Variants in ST3GAL1 observed in about 807,000 individuals in gnomAD.
ST3GAL1 encodes CMP-N-acetylneuraminate-beta-galactosamide-alpha-2,3-sialyltransferase 1.
A neutral mutation model predicts 34.1 loss-of-function variants in ST3GAL1; 16 were observed. The observed-to-expected ratio is 0.47, with a 90% confidence interval of 0.32 to 0.71. ST3GAL1 has a LOEUF of 0.71. ST3GAL1 is among the 30% of genes least tolerant of loss of function. The pLI is 0.04. For missense variants in ST3GAL1, 353 were observed against 447.4 expected (o/e 0.79, Z 1.90); for synonymous variants, 191 against 184.7 (o/e 1.03, Z -0.28).
chr8:133,562,841 C>CCTTCCTTCCTTCCTTTTTCTTT (rs1491286901), intron 1 of ST3GAL1, among the ~76,000 whole-genome samples: 2 of 82,502 alleles, frequency 2.4e-5, no homozygotes, highest in African/African-American at 8.9e-5. Flanking sequence ...TTCCTTCCTT[C>CCTTCCTTCCTTCCTTTTTCTTT]CTTTCTTTCT....
At chr8:133,552,903 G>A (rs1248885765) in intron 1 of ST3GAL1, among the ~76,000 whole-genome samples, 1 of 152,182 alleles carries the variant, frequency 6.6e-6, no homozygotes, top group Non-Finnish European at 1.5e-5. Context: ...CAGCTTCACA[G>A]CAGTCCTCTG....
intron 5 of ST3GAL1, among the ~76,000 whole-genome samples, chr8:133,471,549 A>G (rs1224751793): frequency 6.6e-6 from 1 of 152,212 alleles, no homozygotes; most frequent in Admixed American, 6.5e-5. Context: ...AGGTGAGGAA[A>G]CTGAGGCTTA....
Position 133,556,958 on chromosome 8 carries a change from T to C in ST3GAL1, c.-581-11032A>G, listed in dbSNP as rs900147755. On this transcript the variant is annotated intron_variant, in intron 1 of 9. Transcript: ENST00000522652. The surrounding 1 kb of genome is among the most constrained non-coding windows in gnomAD (Gnocchi z 8.9). ...TCGAGCCTTTTATGATGTGCATGCATGTGTTAGAAGGAAACATTGTGACAT... is the reference window on the plus strand; with the variant it reads ...TCGAGCCTTTTATGATGTGCATGCACGTGTTAGAAGGAAACATTGTGACAT... Among the ~76,000 whole-genome samples the C allele has an allele frequency of 1.3e-5, 2 of 152,102 alleles. No homozygotes were observed. The highest frequency in any genetic ancestry group is 4.8e-5 in the African/African-American group (2 of 41,408).
At chr8:133,541,104 T>TAAAC (rs1586654974) in intron 2 of ST3GAL1, among the ~76,000 whole-genome samples, 1 of 50,434 alleles carries the variant, frequency 2.0e-5, no homozygotes, top group Non-Finnish European at 3.4e-5. Flanking sequence ...AACATATATA[T>TAAAC]ATATATATAT....
At position 133,467,060 on chromosome 8, in the gene ST3GAL1, A is replaced by G. The variant is rs1247457885; in HGVS notation, c.307-970T>C. 6.6e-6 allele frequency among the ~76,000 whole-genome samples: 1 copy of G among 151,088 alleles called. No individual in the cohort carries two copies. The highest frequency in any genetic ancestry group is 2.4e-5 in the African/African-American group (1 of 41,058). ...CAGTGAGCCAAGACAGTGCCACTGC[A>G]CTTCAGCCTGGGTGACAGAGCGAGA... On this transcript the variant is annotated intron_variant, in intron 5 of 9. Coordinates refer to ENST00000522652, the MANE Select transcript of ST3GAL1 (RefSeq NM_173344.3). This position sits in a 1 kb window ranked among gnomAD's most constrained non-coding sequence, Gnocchi z 4.2.
chr8:133,569,452 G>A (rs1028593478), intron 1 of ST3GAL1, among the ~76,000 whole-genome samples: 1 of 152,164 alleles, frequency 6.6e-6, no homozygotes, highest in African/African-American at 2.4e-5. Context: ...TATGCAGAAC[G>A]TATTTTGGAG....
At chr8:133,470,798 C>T (rs1174716849) in intron 5 of ST3GAL1, among the ~76,000 whole-genome samples, 1 of 152,140 alleles carries the variant, frequency 6.6e-6, no homozygotes, top group Non-Finnish European at 1.5e-5. Context: ...CCCACTCATG[C>T]CCAGGGGCAC....
Position 133,467,424 on chromosome 8 carries a change from C to T in ST3GAL1, c.307-1334G>A, listed in dbSNP as rs1217189314. On this transcript the variant is annotated intron_variant, in intron 5 of 9. Transcript: ENST00000522652. This position sits in a 1 kb window ranked among gnomAD's most constrained non-coding sequence, Gnocchi z 4.2. ...TAAAAGTGTTGCATCTGACCTTGTC[C>T]CCATGCCACAGTGCTGTGTCATTTC... Among the ~76,000 whole-genome samples, 1 of 152,164 alleles carries T rather than the reference C, an allele frequency of 6.6e-6. No individual in the cohort carries two copies. Among genetic ancestry groups the T allele is most frequent in the East Asian group, 1.9e-4 (1 of 5,182 alleles).
intron 1 of ST3GAL1, among the ~76,000 whole-genome samples, chr8:133,550,499 C>G (rs1473157664): frequency 2.0e-5 from 3 of 152,186 alleles, no homozygotes; most frequent in Admixed American, 6.5e-5. Context: ...TGCAGCTGGA[C>G]AGTGGGCAGA....
chr8:133,481,298 G>A (rs993577452), intron 3 of ST3GAL1, among the ~76,000 whole-genome samples: 11 of 152,104 alleles, frequency 7.2e-5, no homozygotes, highest in Admixed American at 2.0e-4. Context: ...CATGAAGACT[G>A]GTCTATTTCT....
At chr8:133,553,901 G>A (rs1044984639) in intron 1 of ST3GAL1, among the ~76,000 whole-genome samples, 1 of 152,146 alleles carries the variant, frequency 6.6e-6, no homozygotes, top group African/African-American at 2.4e-5. Flanking sequence ...CTCACAGTGA[G>A]GGTCCAGAAG....
intron 2 of ST3GAL1, among the ~76,000 whole-genome samples, chr8:133,512,150 C>G (rs551383773): frequency 1.2e-4 from 19 of 152,270 alleles, no homozygotes; most frequent in African/African-American, 4.3e-4. Context: ...TCAAGGAAAC[C>G]AGTGGTGGAT....
intron 3 of ST3GAL1, chr8:133,488,488 C>T (rs1484330615): frequency 6.6e-6 from 1 of 152,254 alleles, no homozygotes; most frequent in Non-Finnish European, 1.5e-5. Flanking sequence ...GAAGTCAAGT[C>T]CTGCCTGAGA....
chr8:133,566,860 G>C (rs1472478406), intron 1 of ST3GAL1: 7 of 152,164 alleles, frequency 4.6e-5, no homozygotes, highest in Non-Finnish European at 1.0e-4. Flanking sequence ...CTGGCTGCAA[G>C]GCAACCATTC....
intron 3 of ST3GAL1, among the ~76,000 whole-genome samples, chr8:133,492,500 C>T (rs1280348876): frequency 2.0e-5 from 3 of 152,166 alleles, no homozygotes; most frequent in Non-Finnish European, 2.9e-5. Context: ...GCAGGTGGAT[C>T]ACTTGAGGTC....
At chr8:133,501,131 G>A (rs1817139052) in intron 2 of ST3GAL1, among the ~76,000 whole-genome samples, 1 of 152,214 alleles carries the variant, frequency 6.6e-6, no homozygotes, top group Non-Finnish European at 1.5e-5. Flanking sequence ...AAGGCCAGAT[G>A]TGGGAAAGGT....
At chr8:133,509,242 T>C (rs1817436592) in intron 2 of ST3GAL1, among the ~76,000 whole-genome samples, 3 of 152,256 alleles carry the variant, frequency 2.0e-5, no homozygotes, top group Non-Finnish European at 1.5e-5. Flanking sequence ...AAATTTCAAG[T>C]GCTTAGTAGC....
chr8:133,471,020 T>C (rs1481502329), intron 5 of ST3GAL1, among the ~76,000 whole-genome samples: 1 of 151,980 alleles, frequency 6.6e-6, no homozygotes, highest in Non-Finnish European at 1.5e-5. Flanking sequence ...CCATCCTCCT[T>C]CCTCCTTCCA....
At chr8:133,548,171 G>GCA (rs1253655728) in intron 1 of ST3GAL1, among the ~76,000 whole-genome samples, 1 of 152,118 alleles carries the variant, frequency 6.6e-6, no homozygotes, top group Non-Finnish European at 1.5e-5. Flanking sequence ...GAGAATTAAG[G>GCA]CACGATGCTC....
Sources: allele counts gnomAD v4.1 joint callset (sites outside exome capture counted in the v4.1 genomes callset), GRCh38; gene constraint gnomAD v4.1.1; non-coding constraint Gnocchi (gnomAD v3.1); transcripts MANE v1.5; gene names NCBI Gene and HGNC (gene_info 2026-07-23, HGNC 2026-07-21).